RNF220: variants seen among roughly 807,000 people sequenced by gnomAD.
RNF220 encodes the protein ring finger protein 220.
A neutral mutation model predicts 67.1 loss-of-function variants in RNF220; 7 were observed. The observed-to-expected ratio is 0.10, with a 90% CI of 0.06 to 0.20. RNF220 has a LOEUF of 0.20. Among genes scored for constraint, RNF220 ranks in the 10% least tolerant of loss-of-function variants. RNF220 has a pLI of 1.00. For synonymous variants in RNF220, 270 were observed against 283.2 expected, an observed-to-expected ratio of 0.95 and a Z score of 0.47; for missense variants, 565 against 740.3, an observed-to-expected ratio of 0.76 and a Z score of 2.75.
chr1:44,405,630 C>T (rs1647257504), intron 1 of RNF220, 100 bp downstream of exon 1: 1 of 273,624 alleles, frequency 3.7e-6, no homozygotes, highest in Non-Finnish European at 6.9e-6. Context: ...CTTTCCGGGT[C>T]CGTTTCCTAG....
Position 44,545,573 on chromosome 1 carries a change from G to A in RNF220, c.626-68592G>A, listed in dbSNP as rs566626280. On this transcript the variant is annotated intron_variant, in intron 2 of 14. Transcript: ENST00000361799. ...CAATTATGCTCCTTGTGGTTTGCTGGAGAAAGCCTGGCAGAGGGTGCAAGG... is the reference window on the plus strand; with the variant it reads ...CAATTATGCTCCTTGTGGTTTGCTGAAGAAAGCCTGGCAGAGGGTGCAAGG... The A allele has an allele frequency of 7.1e-5, 11 of 154,450 alleles. No homozygotes were observed. In the South Asian group the frequency reaches 2.0e-3, roughly 29 times the overall value. 9.6% of individuals were successfully genotyped at this position (154,450 alleles called of 1,614,324 possible). A position where few individuals can be genotyped will look rare whatever the true frequency, so the allele number is the denominator to read the frequency against.
At chr1:44,589,491 G>A (rs1414914458) in intron 2 of RNF220, among the ~76,000 whole-genome samples, 26 of 152,012 alleles carry the variant, frequency 1.7e-4, no homozygotes, top group Admixed American at 1.7e-3. Flanking sequence ...ACGGGCGCCT[G>A]TAGTCCCAGC....
At chr1:44,607,531 G>A (rs575709332) in intron 2 of RNF220, among the ~76,000 whole-genome samples, 1 of 148,992 alleles carries the variant, frequency 6.7e-6, no homozygotes, top group South Asian at 2.1e-4. Context: ...TTGTCACCCA[G>A]GCTGGAGTGC....
In RNF220 at chr1:44,434,989, T is replaced by C. The variant is rs1650811236; in HGVS notation, c.625+22267T>C. ...CTGCAATGAGCTATGATTGCACCAT[T>C]GCACACTAGCTTGGGCAACACAGCA... On this transcript the variant is annotated intron_variant, in intron 2 of 14. Transcript: ENST00000361799. 2.0e-5 allele frequency among the ~76,000 whole-genome samples: 3 copies of C among 150,834 alleles called. No homozygotes were observed. The South Asian group carries it at 6.3e-4, about 32-fold the overall frequency.
intron 2 of RNF220, among the ~76,000 whole-genome samples, chr1:44,473,693 A>C (rs1386166128): frequency 6.6e-6 from 1 of 152,150 alleles, no homozygotes; most frequent in African/African-American, 2.4e-5. Flanking sequence ...CTGAGAAGAT[A>C]ATTGGGCTCT....
At chr1:44,567,320 G>T (rs1179312930) in intron 2 of RNF220, among the ~76,000 whole-genome samples, 1 of 152,102 alleles carries the variant, frequency 6.6e-6, no homozygotes, top group African/African-American at 2.4e-5. Context: ...CATAGCAAGA[G>T]GGTGAAGGGA....
Position 44,650,465 on chromosome 1 carries a change from T to C in RNF220, c.1630-239T>C. ...CGGCTGCCACAGCTGGACCCAGCCTTGTTCTCATTACTGGGGCTCCTGCTG... is the reference window on the plus strand; with the variant it reads ...CGGCTGCCACAGCTGGACCCAGCCTCGTTCTCATTACTGGGGCTCCTGCTG... On this transcript the variant is annotated intron_variant, in intron 14 of 14. Coordinates refer to ENST00000361799, the MANE Select transcript of RNF220 (RefSeq NM_018150.4). This position sits in a 1 kb window ranked among gnomAD's most constrained non-coding sequence, Gnocchi z 4.3. 1 of 575,208 alleles carries C rather than the reference T, an allele frequency of 1.7e-6. No homozygotes were observed. The highest frequency in any genetic ancestry group is 2.9e-5 in the East Asian group (1 of 34,270). The allele number at this position is 575,208 out of a possible 1,614,324, so 35.6% of individuals were successfully genotyped here.
intron 2 of RNF220, among the ~76,000 whole-genome samples, chr1:44,564,492 T>C (rs1170725246): frequency 6.6e-6 from 1 of 152,132 alleles, no homozygotes; most frequent in Non-Finnish European, 1.5e-5. Flanking sequence ...CAGTGGTTCA[T>C]GCCTGTAATC....
In RNF220 at chr1:44,407,869, C is replaced by T. The variant is rs796132783; in HGVS notation, c.-118+2339C>T. Among the ~76,000 whole-genome samples the T allele has an allele frequency of 1.0e-3, 158 of 152,228 alleles. 1 individual carries two copies. The highest frequency in any genetic ancestry group is 3.7e-3 in the African/African-American group (155 of 41,576). Reference sequence around the variant, plus strand: ...CCCCCGGGGCGGGGCTGCTCGGGGGCTGGAGGTCCTTGGACTTTGGTCGAA... The same window carrying T: ...CCCCCGGGGCGGGGCTGCTCGGGGGTTGGAGGTCCTTGGACTTTGGTCGAA... On this transcript the variant is annotated intron_variant, in intron 1 of 14. Coordinates refer to ENST00000361799, the MANE Select transcript of RNF220 (RefSeq NM_018150.4).
chr1:44,477,724 G>A (rs2148011326), intron 2 of RNF220, among the ~76,000 whole-genome samples: 1 of 152,210 alleles, frequency 6.6e-6, no homozygotes, highest in East Asian at 1.9e-4. Context: ...AGCTACCTGG[G>A]GAGAGCTCTT....
intron 5 of RNF220, among the ~76,000 whole-genome samples, chr1:44,630,998 A>G (rs1399639344): frequency 6.6e-6 from 1 of 152,236 alleles, no homozygotes; most frequent in East Asian, 1.9e-4. Context: ...CCAAAAGATG[A>G]GACGGGAACA....
intron 2 of RNF220, among the ~76,000 whole-genome samples, chr1:44,563,943 A>G (rs1390347416): frequency 6.6e-6 from 1 of 152,170 alleles, no homozygotes; most frequent in Non-Finnish European, 1.5e-5. Flanking sequence ...CTCCTGAGTT[A>G]GAGACCCACA....
In RNF220 at chr1:44,405,373, G is replaced by A. The variant is rs372537590; in HGVS notation, c.-275G>A. On this transcript the variant is annotated 5_prime_UTR_variant, in exon 1 of 15. Coordinates refer to ENST00000361799, the MANE Select transcript of RNF220 (RefSeq NM_018150.4). ...CGCGAACACAAACCCGGGGCCAGCC[G>A]CCTACTGCTGCTGCTGCTGCTGCCG... is the stretch of plus-strand genomic sequence containing the variant. The A allele has an allele frequency of 5.2e-6, 3 of 576,676 alleles. No homozygotes were observed. The highest frequency in any genetic ancestry group is 3.3e-5 in the East Asian group (1 of 30,042). 35.7% of individuals were successfully genotyped at this position (576,676 alleles called of 1,614,324 possible).
intron 2 of RNF220, among the ~76,000 whole-genome samples, chr1:44,534,409 G>C: frequency 6.6e-6 from 1 of 151,844 alleles, no homozygotes; most frequent in East Asian, 1.9e-4. Context: ...GTGCCATGTT[G>C]GTGTGCTGCA....
At chr1:44,566,266 C>A (rs1442545209) in intron 2 of RNF220, among the ~76,000 whole-genome samples, 2 of 152,172 alleles carry the variant, frequency 1.3e-5, no homozygotes, top group East Asian at 3.8e-4. Flanking sequence ...CCTCTGGGGT[C>A]GACCTTCCAG....
At chr1:44,632,450 T>G in intron 6 of RNF220, 65 bp downstream of exon 6, 2 of 1,164,044 alleles carry the variant, frequency 1.7e-6, no homozygotes, top group Non-Finnish European at 2.2e-6. Context: ...CCTCACTGCC[T>G]GCCGCTCCTG....
intron 3 of RNF220, among the ~76,000 whole-genome samples, chr1:44,620,858 A>T (rs1373492098): frequency 2.0e-5 from 3 of 147,442 alleles, no homozygotes; most frequent in African/African-American, 7.5e-5. Context: ...GCATGTGTTT[A>T]TTGGACTTGT....
Position 44,565,064 on chromosome 1 carries a change from C to T in RNF220, c.626-49101C>T, listed in dbSNP as rs899457055. Among the ~76,000 whole-genome samples, 2 of 152,122 alleles carry T rather than the reference C, an allele frequency of 1.3e-5. No individual in the cohort carries two copies. Among genetic ancestry groups the T allele is most frequent in the Admixed American group, 1.3e-4 (2 of 15,276 alleles). On this transcript the variant is annotated intron_variant, in intron 2 of 14. Coordinates refer to ENST00000361799, the MANE Select transcript of RNF220 (RefSeq NM_018150.4). This position sits in a 1 kb window ranked among gnomAD's most constrained non-coding sequence, Gnocchi z 4.2. ...AGCATGGGCCTGGCCTGAATCAACT[C>T]CATCCCCTGCGCATAGCATGGGCCT...
intron 1 of RNF220, chr1:44,409,033 T>G (rs1647697486): frequency 6.6e-6 from 1 of 152,380 alleles, no homozygotes; most frequent in Non-Finnish European, 1.5e-5. Flanking sequence ...GCGCTGCGCA[T>G]CAGCCCAGCC....
Sources: allele counts gnomAD v4.1 joint callset (sites outside exome capture counted in the v4.1 genomes callset), GRCh38; gene constraint gnomAD v4.1.1; non-coding constraint Gnocchi (gnomAD v3.1); transcripts MANE v1.5; gene names NCBI Gene and HGNC (gene_info 2026-07-23, HGNC 2026-07-21).